Variants in NLGN4Y observed in about 807,000 individuals in gnomAD.
NLGN4Y encodes neuroligin-4, Y-linked.
NLGN4Y carries 4 observed loss-of-function variants against 8.4 expected under a neutral mutation model. The ratio of observed to expected loss-of-function variants is 0.48; its 90% CI spans 0.23 to 1.09. The LOEUF is 1.09. Ranked by LOEUF, NLGN4Y falls within the 50% of genes least tolerant of loss-of-function variation. NLGN4Y has a pLI of 0.19. For synonymous variants in NLGN4Y, 35 were observed against 75.6 expected (o/e 0.46, Z 2.78); for missense variants, 90 against 192.3 (o/e 0.47, Z 3.15).
At chrY:14,825,518 T>C in intron 5 of NLGN4Y, among the ~76,000 whole-genome samples, 2 of 31,828 alleles carry the variant, frequency 6.3e-5, no homozygotes. Context: ...TCTCCCTTTA[T>C]TTCTTTCTCT....
At chrY:14,574,249 A>G in intron 1 of NLGN4Y, among the ~76,000 whole-genome samples, 2 of 32,910 alleles carry the variant, frequency 6.1e-5, no homozygotes, top group Non-Finnish European at 1.5e-4. Flanking sequence ...GTAGGTCTCT[A>G]AGGACTTGCT....
intron 2 of NLGN4Y, among the ~76,000 whole-genome samples, chrY:14,662,737 A>G: frequency 3.0e-5 from 1 of 33,526 alleles, no homozygotes; most frequent in Non-Finnish European, 7.4e-5. Context: ...TTTAATTTCT[A>G]TATGAGTACA....
intron 4 of NLGN4Y, among the ~76,000 whole-genome samples, chrY:14,781,534 G>T (rs2042944243): frequency 3.0e-5 from 1 of 33,299 alleles, no homozygotes. Context: ...AGATTTGCTA[G>T]TCTAGTGCAC....
intron 2 of NLGN4Y, among the ~76,000 whole-genome samples, chrY:14,646,063 A>G (rs778474454): frequency 3.0e-5 from 1 of 32,991 alleles, no homozygotes; most frequent in South Asian, 7.0e-4. Flanking sequence ...GATGACAGTG[A>G]TGATGGTGAT....
In NLGN4Y at chrY:14,597,424, C is replaced by T. The variant is rs546814946; in HGVS notation, c.-111-24585C>T. Among the ~76,000 whole-genome samples the T allele has an allele frequency of 5.6e-3, 184 of 33,028 alleles. No individual in the cohort carries two copies. The South Asian group carries it at 0.13, about 23-fold the overall frequency. The allele number at this position is 33,028 out of a possible 37,273, so 88.6% of individuals were successfully genotyped here. On this transcript the variant is annotated intron_variant, in intron 1 of 6. Transcript: ENST00000684976. ...ATCCACATCCTGCTGATTGGTAGAGCCGAGTGGCCTGTTTTGTCAGGGTGC... is the reference window on the plus strand; with the variant it reads ...ATCCACATCCTGCTGATTGGTAGAGTCGAGTGGCCTGTTTTGTCAGGGTGC...
intron 2 of NLGN4Y, chrY:14,639,581 T>C: frequency 4.5e-6 from 1 of 223,995 alleles, no homozygotes; most frequent in Non-Finnish European, 7.6e-6. Flanking sequence ...GTTTGAGTCA[T>C]ACCCTCTTTG....
At chrY:14,683,687 G>T in intron 2 of NLGN4Y, among the ~76,000 whole-genome samples, 1 of 33,547 alleles carries the variant, frequency 3.0e-5, no homozygotes, top group Non-Finnish European at 7.4e-5. Context: ...AAGGAACAAG[G>T]CTAACTGGAC....
At chrY:14,733,009 C>T (rs775303485) in intron 4 of NLGN4Y, among the ~76,000 whole-genome samples, 7 of 33,233 alleles carry the variant, frequency 2.1e-4, no homozygotes, top group African/African-American at 7.0e-4. Flanking sequence ...GTGCATAAGC[C>T]AAGAACCTTA....
intron 4 of NLGN4Y, among the ~76,000 whole-genome samples, chrY:14,768,521 C>T: frequency 3.0e-5 from 1 of 33,045 alleles, no homozygotes; most frequent in Non-Finnish European, 7.4e-5. Context: ...ATTCCATTAC[C>T]AACTTCAGAA....
intron 1 of NLGN4Y, among the ~76,000 whole-genome samples, chrY:14,532,644 C>T (rs2080118534): frequency 3.0e-5 from 1 of 33,147 alleles, no homozygotes; most frequent in African/African-American, 1.2e-4. Context: ...CATCCCTGTA[C>T]TCTAAAAAAT....
intron 4 of NLGN4Y, among the ~76,000 whole-genome samples, chrY:14,800,441 T>C: frequency 3.1e-5 from 1 of 32,160 alleles, no homozygotes; most frequent in Non-Finnish European, 7.5e-5. Context: ...TTTATATACA[T>C]ACATATATCC....
intron 2 of NLGN4Y, among the ~76,000 whole-genome samples, chrY:14,651,396 C>A: frequency 3.0e-5 from 1 of 33,155 alleles, no homozygotes; most frequent in Non-Finnish European, 7.4e-5. Context: ...CTGATCATAG[C>A]TTTATTAAAT....
intron 1 of NLGN4Y, among the ~76,000 whole-genome samples, chrY:14,542,673 C>T: frequency 6.0e-5 from 2 of 33,308 alleles, no homozygotes; most frequent in African/African-American, 2.3e-4. Context: ...TATAAAGACA[C>T]ATGCACACAT....
chrY:14,724,163 C>G, intron 4 of NLGN4Y, among the ~76,000 whole-genome samples: 1 of 33,471 alleles, frequency 3.0e-5, no homozygotes, highest in Admixed American at 2.7e-4. Context: ...TTGAAACCTA[C>G]AGTTTAAGAA....
At chrY:14,580,933 T>G (rs2150486251) in intron 1 of NLGN4Y, among the ~76,000 whole-genome samples, 1 of 17,932 alleles carries the variant, frequency 5.6e-5, no homozygotes, top group East Asian at 1.4e-3. Flanking sequence ...CCAAGTGTAA[T>G]AGTTCATGCC....
At chrY:14,698,994 C>T in intron 2 of NLGN4Y, among the ~76,000 whole-genome samples, 4 of 33,130 alleles carry the variant, frequency 1.2e-4, no homozygotes. Context: ...TGATATCTGG[C>T]TGGAATTTTG....
intron 4 of NLGN4Y, among the ~76,000 whole-genome samples, chrY:14,775,775 G>A: frequency 3.1e-5 from 1 of 32,756 alleles, no homozygotes; most frequent in Non-Finnish European, 7.4e-5. Context: ...TCAGGTTGGC[G>A]ATGCATGTGC....
At chrY:14,605,824 A>G (rs752379320) in intron 1 of NLGN4Y, among the ~76,000 whole-genome samples, 1 of 34,153 alleles carries the variant, frequency 2.9e-5, no homozygotes, top group South Asian at 6.5e-4. Flanking sequence ...GACAAAAGAC[A>G]AATTAGATTG....
intron 4 of NLGN4Y, among the ~76,000 whole-genome samples, chrY:14,815,539 G>T (rs2043098578): frequency 8.9e-5 from 3 of 33,520 alleles, no homozygotes; most frequent in African/African-American, 3.5e-4. Flanking sequence ...TGAAGTTGTA[G>T]AGTATTATTA....
Sources: gnomAD v4.1 joint callset for allele counts (sites outside exome capture counted in the v4.1 genomes callset) on GRCh38, gnomAD v4.1.1 for gene constraint, MANE v1.5 for transcripts, NCBI Gene and HGNC (gene_info 2026-07-23, HGNC 2026-07-21) for gene names.